The following PPP2R1B variants were observed in gnomAD, a reference collection of about 807,000 sequenced individuals.
PPP2R1B encodes the protein protein phosphatase 2 scaffold subunit Abeta, also known as serine/threonine-protein phosphatase 2A 65 kDa regulatory subunit A beta isoform.
In PPP2R1B, 58 loss-of-function variants were observed where a neutral mutation model predicts 72.7. The observed-to-expected ratio is 0.80, with a 90% CI of 0.65 to 0.99. PPP2R1B has a LOEUF of 0.99. PPP2R1B is among the 50% of genes least tolerant of loss of function. The probability of loss-of-function intolerance (pLI) is 0.00; values close to 1 mark genes in which losing one functional copy is unlikely to be tolerated. For missense variants in PPP2R1B, 695 were observed against 733.6 expected (o/e 0.95, Z 0.61); for synonymous variants, 256 against 264.6 (o/e 0.97, Z 0.32).
downstream of PPP2R1B, chr11:111,737,409 C>T: frequency 6.2e-7 from 1 of 1,613,988 alleles, no homozygotes; most frequent in Non-Finnish European, 8.5e-7. Flanking sequence ...GCCCGCAGCC[C>T]TGAGGGCAGG....
chr11:111,749,016 T>C (rs538400196), intron 10 of PPP2R1B, among the ~76,000 whole-genome samples: 6 of 152,066 alleles, frequency 3.9e-5, no homozygotes, highest in African/African-American at 1.4e-4. Context: ...CAGCTAATTT[T>C]GTATTTTTAG....
chr11:111,712,025 T>C, the PPP2R1B span, among the ~76,000 whole-genome samples: 5 of 152,382 alleles, frequency 3.3e-5, no homozygotes, highest in South Asian at 1.0e-3. Flanking sequence ...AGTAACCGAT[T>C]GCTGAGTCTG....
chr11:111,715,793 C>CTTTTTTTTTTTTTT, the PPP2R1B span, among the ~76,000 whole-genome samples: 1 of 81,580 alleles, frequency 1.2e-5, no homozygotes, highest in Non-Finnish European at 2.2e-5. Context: ...TCATTTTTAG[C>CTTTTTTTTTTTTTT]TTTTTTTTTT....
chr11:111,766,191 C>G, intron 1 of PPP2R1B, 57 bp downstream of exon 1: 3 of 1,576,032 alleles, frequency 1.9e-6, no homozygotes, highest in African/African-American at 2.7e-5. Context: ...GGCCTTCCCC[C>G]TTCTCTACCA....
At chr11:111,701,924 T>A in the PPP2R1B span, among the ~76,000 whole-genome samples, 308 of 152,316 alleles carry the variant, frequency 2.0e-3, 5 homozygotes, top group South Asian at 0.027. This position sits in a 1 kb window ranked among gnomAD's most constrained non-coding sequence, Gnocchi z 4.2. Context: ...AAAATTAAAA[T>A]TTTTTTAATT....
the PPP2R1B span, among the ~76,000 whole-genome samples, chr11:111,712,628 C>G: frequency 3.3e-5 from 5 of 152,184 alleles, no homozygotes; most frequent in African/African-American, 1.2e-4. Flanking sequence ...CTGTCTTTCT[C>G]GCTCACTAAT....
the PPP2R1B span, among the ~76,000 whole-genome samples, chr11:111,721,531 T>C: frequency 2.6e-5 from 4 of 152,234 alleles, no homozygotes; most frequent in Non-Finnish European, 5.9e-5. Flanking sequence ...TTGAGCCTAT[T>C]TTCAGTGCAT....
In PPP2R1B at chr11:111,738,791, G is replaced by T. The variant is rs189881807; in HGVS notation, c.*2805C>A. ...AAACAAGACCTGGTCTCTTAAACCT[G>T]TGAGGGGTAAACCCCACACAAATTA... is the stretch of plus-strand genomic sequence containing the variant. On this transcript the variant is annotated 3_prime_UTR_variant, in exon 15 of 15. Transcript: ENST00000527614. 1.0e-6 allele frequency: 1 copy of T among 984,780 alleles called. No homozygotes were observed. Among genetic ancestry groups the T allele is most frequent in the Non-Finnish European group, 1.2e-6 (1 of 829,338 alleles). The allele number at this position is 984,780 out of a possible 1,614,324, so 61.0% of individuals were successfully genotyped here.
At chr11:111,732,329 T>C (rs1395617886) in intron 15 of PPP2R1B, among the ~76,000 whole-genome samples, 1 of 152,230 alleles carries the variant, frequency 6.6e-6, no homozygotes, top group East Asian at 1.9e-4. Flanking sequence ...AGTTGGTTCC[T>C]GGGCCCCCGA....
downstream of PPP2R1B, among the ~76,000 whole-genome samples, chr11:111,736,111 A>G (rs1944332717): frequency 6.6e-6 from 1 of 152,188 alleles, no homozygotes; most frequent in Admixed American, 6.5e-5. Flanking sequence ...GAGGAGATTC[A>G]TGAGGGACCA....
chr11:111,713,089 C>T, the PPP2R1B span, among the ~76,000 whole-genome samples: 1 of 152,136 alleles, frequency 6.6e-6, no homozygotes, highest in African/African-American at 2.4e-5. Context: ...GTCTTGAGCC[C>T]AGGGGGCCGA....
intron 15 of PPP2R1B, among the ~76,000 whole-genome samples, chr11:111,731,669 G>C (rs1944198824): frequency 6.6e-6 from 1 of 152,224 alleles, no homozygotes; most frequent in Admixed American, 6.5e-5. Context: ...GCGGTGGGAA[G>C]GTGCAGTCGG....
chr11:111,696,928 C>T, the PPP2R1B span, among the ~76,000 whole-genome samples: 1 of 152,164 alleles, frequency 6.6e-6, no homozygotes, highest in Non-Finnish European at 1.5e-5. Context: ...TGCATTTAGG[C>T]AGAAAGCTGC....
At chr11:111,704,657 A>G in the PPP2R1B span, among the ~76,000 whole-genome samples, 4 of 152,180 alleles carry the variant, frequency 2.6e-5, no homozygotes, top group African/African-American at 9.6e-5. Context: ...CGTTACAGCT[A>G]TGAGATGGGG....
At chr11:111,703,189 T>TTTTCTA in the PPP2R1B span, 1 of 1,612,342 alleles carries the variant, frequency 6.2e-7, no homozygotes, top group Non-Finnish European at 8.5e-7. Context: ...TTTGTAACAT[T>TTTTCTA]GTGTTTTCTA....
chr11:111,720,941 C>G, the PPP2R1B span: 28 of 1,613,984 alleles, frequency 1.7e-5, no homozygotes, highest in Admixed American at 5.0e-5. Flanking sequence ...CTGGCTAGAA[C>G]CAAAGGAATT....
chr11:111,766,330 G>C lies in PPP2R1B; in HGVS notation c.32C>G (p.Pro11Arg), dbSNP rs1212672059. ...ATCTCCATCTCCACCCGCTGCTCCT[G>C]GGCCGGTCCCGAGCTCTGATGCGCC... MAGASELGTG[P>R]GAAGGDGDDS... The change falls in exon 1 of 15, where the codon CCA (proline) becomes CGA (arginine). Residue 11 changes from proline (P) to arginine (R), a missense_variant. Transcript: ENST00000527614. 6.3e-7 allele frequency: 1 copy of C among 1,580,480 alleles called. No individual in the cohort carries two copies. Among genetic ancestry groups the C allele is most frequent in the Non-Finnish European group, 8.6e-7 (1 of 1,165,802 alleles).
At chr11:111,760,199 C>T (rs77277356) in intron 4 of PPP2R1B, among the ~76,000 whole-genome samples, 4,558 of 152,248 alleles carry the variant, frequency 0.03, 93 homozygotes, top group Non-Finnish European at 0.04. Flanking sequence ...CTGCTTGAGG[C>T]CAGGAATTGA....
chr11:111,747,839 T>C (rs1413402665), intron 11 of PPP2R1B, 115 bp downstream of exon 11: 1 of 877,772 alleles, frequency 1.1e-6, no homozygotes. Flanking sequence ...GAGCCTTTCT[T>C]CATTCCTACA....
Sources: gnomAD v4.1 joint callset for allele counts (sites outside exome capture counted in the v4.1 genomes callset) on GRCh38, gnomAD v4.1.1 for gene constraint, Gnocchi (gnomAD v3.1) non-coding constraint, MANE v1.5 for transcripts, NCBI Gene and HGNC (gene_info 2026-07-23, HGNC 2026-07-21) for gene names.